NRF1: variants seen among roughly 807,000 people sequenced by gnomAD.
NRF1 encodes alpha palindromic-binding protein.
A neutral mutation model predicts 58.5 loss-of-function variants in NRF1; 5 were observed. That is an observed-to-expected ratio of 0.09 (90% CI 0.04 to 0.18). The LOEUF (loss-of-function observed/expected upper bound fraction) is 0.18, where lower values mean the gene tolerates loss of function less well. Ranked by LOEUF, NRF1 falls within the 10% of genes least tolerant of loss-of-function variation. The probability of loss-of-function intolerance (pLI) is 1.00; values close to 1 mark genes in which losing one functional copy is unlikely to be tolerated. For missense variants in NRF1, 288 were observed against 657.7 expected (o/e 0.44, Z 6.15); for synonymous variants, 224 against 246.7 (o/e 0.91, Z 0.86).
intron 5 of NRF1, among the ~76,000 whole-genome samples, chr7:129,696,690 G>A (rs904915545): frequency 6.6e-6 from 1 of 152,134 alleles, no homozygotes; most frequent in South Asian, 2.1e-4. Flanking sequence ...GCACTTAATG[G>A]TATAGAGATA....
At chr7:129,636,007 A>G (rs914450335) in intron 1 of NRF1, among the ~76,000 whole-genome samples, 7 of 152,262 alleles carry the variant, frequency 4.6e-5, no homozygotes, top group East Asian at 3.9e-4. Flanking sequence ...AAGCATTTTC[A>G]TAGTCCCAGT....
intron 10 of NRF1, among the ~76,000 whole-genome samples, chr7:129,753,225 G>C (rs1804165672): frequency 6.6e-6 from 1 of 152,118 alleles, no homozygotes; most frequent in African/African-American, 2.4e-5. Context: ...ATGTCAAAAA[G>C]AACTAAAAGG....
intron 2 of NRF1, among the ~76,000 whole-genome samples, chr7:129,663,421 G>A (rs1197925792): frequency 2.7e-5 from 4 of 148,656 alleles, no homozygotes; most frequent in South Asian, 2.1e-4. Flanking sequence ...ACGGGGTGGC[G>A]GCCGGGCAGA....
intron 1 of NRF1, among the ~76,000 whole-genome samples, chr7:129,640,472 T>C (rs1414165240): frequency 6.6e-6 from 1 of 152,084 alleles, no homozygotes; most frequent in East Asian, 1.9e-4. Context: ...ATTGCACCAC[T>C]GCACTCCAGC....
chr7:129,620,879 A>G (rs1051518874), intron 1 of NRF1, among the ~76,000 whole-genome samples: 87 of 152,208 alleles, frequency 5.7e-4, no homozygotes, highest in African/African-American at 1.8e-3. Flanking sequence ...GGGGCAAGAC[A>G]TTTATTTTCT....
intron 3 of NRF1, among the ~76,000 whole-genome samples, chr7:129,674,632 A>T (rs1403912836): frequency 6.6e-6 from 1 of 151,986 alleles, no homozygotes; most frequent in Non-Finnish European, 1.5e-5. Flanking sequence ...ACGGGGTCTC[A>T]CTATGTTGCC....
chr7:129,668,948 T>C (rs185883662), intron 2 of NRF1, among the ~76,000 whole-genome samples: 77 of 152,230 alleles, frequency 5.1e-4, no homozygotes, highest in African/African-American at 1.6e-3. Context: ...CCTCCCCTCC[T>C]GTCTCCTCTC....
chr7:129,700,844 A>G (rs1251491713), intron 5 of NRF1, among the ~76,000 whole-genome samples: 1 of 152,180 alleles, frequency 6.6e-6, no homozygotes, highest in African/African-American at 2.4e-5. Flanking sequence ...TGAGCCCAGG[A>G]GTTCAAGGCT....
chr7:129,623,768 C>T (rs1800856235), intron 1 of NRF1, among the ~76,000 whole-genome samples: 1 of 152,048 alleles, frequency 6.6e-6, no homozygotes, highest in Non-Finnish European at 1.5e-5. Flanking sequence ...ATAGTAAAGC[C>T]TGTAGAGGTG....
intron 10 of NRF1, chr7:129,744,079 A>C: frequency 1.7e-6 from 2 of 1,160,292 alleles, no homozygotes; most frequent in Non-Finnish European, 2.4e-6. Flanking sequence ...CCAGATGTGC[A>C]TGGGAGGCTG....
At chr7:129,641,940 A>G (rs1801300001) in intron 1 of NRF1, 2 of 151,736 alleles carry the variant, frequency 1.3e-5, no homozygotes, top group Admixed American at 6.6e-5. Flanking sequence ...CAGCCTCCCA[A>G]AGTGCTGAGA....
chr7:129,662,001 A>G (rs1211129069), intron 2 of NRF1, among the ~76,000 whole-genome samples: 1 of 150,728 alleles, frequency 6.6e-6, no homozygotes, highest in Admixed American at 6.6e-5. Context: ...TCTTACATGG[A>G]TAACAGCAGT....
intron 1 of NRF1, among the ~76,000 whole-genome samples, chr7:129,625,889 A>G (rs765223126): frequency 2.6e-4 from 39 of 151,928 alleles, no homozygotes; most frequent in African/African-American, 7.7e-4. Flanking sequence ...TCACCATGTT[A>G]GCCAGGATGG....
intron 10 of NRF1, among the ~76,000 whole-genome samples, chr7:129,745,510 C>T (rs1031700834): frequency 6.7e-6 from 1 of 148,750 alleles, no homozygotes; most frequent in Admixed American, 6.8e-5. Context: ...CCCTCAACCC[C>T]CCCCCCATCC....
At position 129,613,452 on chromosome 7, in the gene NRF1, A is replaced by G. The variant is rs542461085; in HGVS notation, c.-7+1628A>G. On this transcript the variant is annotated intron_variant, in intron 1 of 10. Coordinates refer to ENST00000393232, the MANE Select transcript of NRF1 (RefSeq NM_005011.5). ...ATTTTATGAGTCCGAAAGCAGACAT[A>G]ATTATCACATGCAATGTAGAATATT... Among the ~76,000 whole-genome samples, 66 of 152,276 alleles carry G rather than the reference A, an allele frequency of 4.3e-4. 1 individual carries two copies. The South Asian group carries it at 0.013, about 29-fold the overall frequency.
intron 5 of NRF1, 82 bp from the exon 6 acceptor site, chr7:129,708,993 T>C (rs1158164911): frequency 8.4e-7 from 1 of 1,191,014 alleles, no homozygotes; most frequent in Non-Finnish European, 1.1e-6. Flanking sequence ...CCTCTCTGTT[T>C]TATAAGGTTA....
At chr7:129,668,523 T>A (rs921661005) in intron 2 of NRF1, among the ~76,000 whole-genome samples, 3 of 152,222 alleles carry the variant, frequency 2.0e-5, no homozygotes, top group Non-Finnish European at 4.4e-5. Flanking sequence ...TGAACTGTAT[T>A]AAATTTATAA....
intron 1 of NRF1, among the ~76,000 whole-genome samples, chr7:129,651,417 C>T (rs1246251545): frequency 5.0e-5 from 2 of 40,254 alleles, no homozygotes. Flanking sequence ...GAGACTCTGT[C>T]TCAAAAAAAA....
chr7:129,701,325 G>A (rs1289679612), intron 5 of NRF1, among the ~76,000 whole-genome samples: 1 of 152,076 alleles, frequency 6.6e-6, no homozygotes, highest in African/African-American at 2.4e-5. Context: ...AAGGCTGGGT[G>A]CAGTGGCTCA....
Sources: allele counts gnomAD v4.1 joint callset (sites outside exome capture counted in the v4.1 genomes callset), GRCh38; gene constraint gnomAD v4.1.1; transcripts MANE v1.5; gene names NCBI Gene and HGNC (gene_info 2026-07-23, HGNC 2026-07-21).